The following ADAMTS9 variants were observed in gnomAD, a reference collection of about 807,000 sequenced individuals.
ADAMTS9 encodes the protein ADAM metallopeptidase with thrombospondin type 1 motif 9, also known as A disintegrin and metalloproteinase with thrombospondin motifs 9.
A neutral mutation model predicts 257.1 loss-of-function variants in ADAMTS9; 107 were observed. The observed-to-expected ratio is 0.42, with a 90% CI of 0.36 to 0.49. ADAMTS9 has a LOEUF of 0.49. ADAMTS9 is among the 20% of genes least tolerant of loss of function. The probability of loss-of-function intolerance (pLI) is 0.03; values close to 1 mark genes in which losing one functional copy is unlikely to be tolerated. For missense variants in ADAMTS9, 2,353 were observed against 2,469.1 expected (o/e 0.95, Z 1.00); for synonymous variants, 982 against 880.9 (o/e 1.11, Z -2.03).
intron 3 of ADAMTS9, among the ~76,000 whole-genome samples, chr3:64,662,853 A>G (rs1701258120): frequency 6.6e-6 from 1 of 152,170 alleles, no homozygotes; most frequent in South Asian, 2.1e-4. Flanking sequence ...AAATGCTGAC[A>G]TGACACCACC....
intron 30 of ADAMTS9, 85 bp from the exon 31 acceptor site, chr3:64,551,147 C>A (rs2083266352): frequency 1.4e-6 from 2 of 1,444,004 alleles, no homozygotes; most frequent in Non-Finnish European, 1.9e-6. Context: ...GTCTACATAG[C>A]CTTTAAGATC....
chr3:64,676,876 GAAGTTT>G (rs1366639540), intron 3 of ADAMTS9, among the ~76,000 whole-genome samples: 1 of 152,198 alleles, frequency 6.6e-6, no homozygotes, highest in Non-Finnish European at 1.5e-5. Context: ...AGGTGAGGGA[GAAGTTT>G]GAGTTAGAGA....
At chr3:64,662,596 C>T (rs1226447314) in intron 3 of ADAMTS9, among the ~76,000 whole-genome samples, 2 of 152,086 alleles carry the variant, frequency 1.3e-5, no homozygotes, top group African/African-American at 2.4e-5. Flanking sequence ...CAGGTGCATA[C>T]ATGTTTATAA....
chr3:64,686,735 C>T lies in ADAMTS9; in HGVS notation c.349G>A (p.Ala117Thr). The change falls in exon 2 of 40, where the codon GCC becomes ACC. Residue 117 changes from alanine (A) to threonine (T), a missense_variant. Physicochemically the swap from Ala to Thr is moderately conservative, Grantham distance 58. This residue lies in a region of ADAMTS9 where 591 missense variants were observed against 569.6 expected (regional missense o/e 1.04). Coordinates refer to ENST00000498707, the MANE Select transcript of ADAMTS9 (RefSeq NM_182920.2). This position sits in a 1 kb window ranked among gnomAD's most constrained non-coding sequence, Gnocchi z 4.6. The part of the protein sequence containing the change: ...QQFLFNLTAN[A>T]GFIAPLFTVT... The stretch of plus-strand genomic sequence containing the variant: ...GTGAACAGTGGAGCGATAAATCCGG[C>T]ATTGGCGGTGAGATTAAATAGAAAC... 6.2e-7 allele frequency: 1 copy of T among 1,614,192 alleles called. No homozygotes were observed. Among genetic ancestry groups the T allele is most frequent in the Non-Finnish European group, 8.5e-7 (1 of 1,180,040 alleles).
At chr3:64,612,685 G>C (rs981438935) in intron 22 of ADAMTS9, among the ~76,000 whole-genome samples, 1 of 152,156 alleles carries the variant, frequency 6.6e-6, no homozygotes, top group African/African-American at 2.4e-5. Context: ...TACTTAAATA[G>C]TACCCTGAAC....
At chr3:64,594,537 C>A in intron 27 of ADAMTS9, 103 bp from the exon 28 acceptor site, 1 of 1,411,754 alleles carries the variant, frequency 7.1e-7, no homozygotes. Flanking sequence ...TGGCATTGGG[C>A]AAGGTAAGCC....
At chr3:64,667,395 A>G (rs1701375297) in intron 3 of ADAMTS9, among the ~76,000 whole-genome samples, 1 of 152,212 alleles carries the variant, frequency 6.6e-6, no homozygotes, top group Non-Finnish European at 1.5e-5. Context: ...GTTAAGAGGC[A>G]AGTGATGGGG....
chr3:64,665,818 C>T (rs1701342135), intron 3 of ADAMTS9, among the ~76,000 whole-genome samples: 1 of 152,210 alleles, frequency 6.6e-6, no homozygotes, highest in Non-Finnish European at 1.5e-5. Context: ...TTCTGAGTCA[C>T]TTCTCTGGGC....
At chr3:64,656,118 C>T (rs1701063156) in intron 4 of ADAMTS9, 1 of 389,962 alleles carries the variant, frequency 2.6e-6, no homozygotes, top group Admixed American at 4.4e-5. Context: ...TGCATTGCCA[C>T]GTGACTTAAC....
chr3:64,576,063 C>T (rs1243591201), intron 28 of ADAMTS9, among the ~76,000 whole-genome samples: 1 of 152,146 alleles, frequency 6.6e-6, no homozygotes, highest in African/African-American at 2.4e-5. Flanking sequence ...GAAATCAATC[C>T]ACAGAGCAGT....
chr3:64,547,443 G>A (rs1429905183), intron 31 of ADAMTS9, among the ~76,000 whole-genome samples: 2 of 150,480 alleles, frequency 1.3e-5, no homozygotes, highest in Middle Eastern at 3.4e-3. Context: ...CCTTCCCTCC[G>A]TGGTGCTGTT....
intron 16 of ADAMTS9, among the ~76,000 whole-genome samples, chr3:64,622,909 A>G (rs6782772): frequency 0.029 from 4,349 of 152,334 alleles, 188 homozygotes; most frequent in African/African-American, 0.096. Flanking sequence ...TTATAGAATT[A>G]TAGATGGAAA....
intron 22 of ADAMTS9, among the ~76,000 whole-genome samples, chr3:64,611,282 G>T (rs115391323): frequency 0.018 from 2,801 of 152,116 alleles, 83 homozygotes; most frequent in African/African-American, 0.06. Flanking sequence ...ACAAATTTTG[G>T]TATAGCCATA....
chr3:64,522,137 C>T (rs914784019), intron 39 of ADAMTS9, 29 bp downstream of exon 39: 5 of 1,593,408 alleles, frequency 3.1e-6, no homozygotes, highest in Non-Finnish European at 4.3e-6. Flanking sequence ...AAGACAAATA[C>T]ACAGACAGAC....
chr3:64,548,161 GC>G (rs1466242386), intron 31 of ADAMTS9, among the ~76,000 whole-genome samples: 2 of 152,102 alleles, frequency 1.3e-5, no homozygotes, highest in African/African-American at 4.8e-5. Flanking sequence ...AATGTCTCCT[GC>G]TGCTTTTAGT....
intron 28 of ADAMTS9, chr3:64,590,070 T>C (rs73122220): frequency 1.3e-5 from 2 of 152,168 alleles, no homozygotes; most frequent in African/African-American, 4.8e-5. Flanking sequence ...ACAAATTCAA[T>C]AAATGGAGCA....
Position 64,681,217 on chromosome 3 carries a change from A to G in ADAMTS9, c.663T>C (p.His221=), listed in dbSNP as rs1701745625. Residue 221 remains histidine, a synonymous_variant, in exon 3 of 40, where the codon CAT becomes CAC. Coordinates refer to ENST00000498707, the MANE Select transcript of ADAMTS9 (RefSeq NM_182920.2). ...AGCAAATACCTGAGGTGTCACATGC[A>G]TGCCTTCCTGTTGAGGGCTCTCTCT... ...APQREPSTGR[H]ACDTSEHKNR... 1 of 1,613,122 alleles carries G rather than the reference A, an allele frequency of 6.2e-7. No individual in the cohort carries two copies. The highest frequency in any genetic ancestry group is 8.5e-7 in the Non-Finnish European group (1 of 1,179,722).
In ADAMTS9 at chr3:64,593,960, G is replaced by GTGT. The variant is rs1553707054; in HGVS notation, c.4356+297_4356+298insACA. ...AATCACTATGTATGTGTGTGTGTAT[G>GTGT]ATGTGTGTGTGTGTGTGTGTGTGTG... On this transcript the variant is annotated intron_variant, in intron 28 of 39. Transcript: ENST00000498707. Among the ~76,000 whole-genome samples the GTGT allele has an allele frequency of 1.6e-4, 11 of 69,392 alleles. 1 individual carries two copies. Among genetic ancestry groups the GTGT allele is most frequent in the African/African-American group, 5.5e-4 (11 of 19,996 alleles). The allele number at this position is 69,392 out of a possible 152,430, so 45.5% of individuals were successfully genotyped here.
chr3:64,584,913 T>C (rs1195642895), intron 28 of ADAMTS9, among the ~76,000 whole-genome samples: 1 of 152,208 alleles, frequency 6.6e-6, no homozygotes, highest in Non-Finnish European at 1.5e-5. Flanking sequence ...CAGGATATCA[T>C]CATTATTAAT....
Sources: allele counts gnomAD v4.1 joint callset (sites outside exome capture counted in the v4.1 genomes callset), GRCh38; gene constraint gnomAD v4.1.1; regional missense constraint gnomAD v4.1.1; non-coding constraint Gnocchi (gnomAD v3.1); transcripts MANE v1.5; gene names NCBI Gene and HGNC (gene_info 2026-07-23, HGNC 2026-07-21).